CDK5RAP2: variants seen among roughly 807,000 people sequenced by gnomAD.
CDK5RAP2 encodes the protein CDK5 regulatory subunit associated protein 2.
A neutral mutation model predicts 232.9 loss-of-function variants in CDK5RAP2; 147 were observed. The ratio of observed to expected loss-of-function variants is 0.63; its 90% CI spans 0.55 to 0.72. The LOEUF (loss-of-function observed/expected upper bound fraction) is 0.72. Among genes scored for constraint, CDK5RAP2 ranks in the 30% least tolerant of loss-of-function variants. CDK5RAP2 has a pLI of 0.00. For missense variants in CDK5RAP2, 2,195 were observed against 2,231.5 expected (o/e 0.98, Z 0.33); for synonymous variants, 833 against 833.7 (o/e 1.00, Z 0.01).
At chr9:120,523,903 T>C (rs556118531) in intron 11 of CDK5RAP2, among the ~76,000 whole-genome samples, 11 of 151,796 alleles carry the variant, frequency 7.2e-5, no homozygotes, top group South Asian at 4.2e-4. Flanking sequence ...TAGTACAACA[T>C]TGGGGGACGG....
chr9:120,497,994 C>T (rs1157199191), intron 12 of CDK5RAP2, among the ~76,000 whole-genome samples: 2 of 152,210 alleles, frequency 1.3e-5, no homozygotes, highest in African/African-American at 4.8e-5. Context: ...TGTGTCTAGT[C>T]TTGCTGGCTC....
At chr9:120,470,004 G>T in intron 17 of CDK5RAP2, 107 bp downstream of exon 17, 1 of 666,960 alleles carries the variant, frequency 1.5e-6, no homozygotes, top group Non-Finnish European at 2.7e-6. Context: ...GGGACAGGAA[G>T]GAAGGAGAGA....
chr9:120,463,331 A>G (rs1214579513), intron 18 of CDK5RAP2, among the ~76,000 whole-genome samples: 1 of 152,172 alleles, frequency 6.6e-6, no homozygotes, highest in African/African-American at 2.4e-5. Context: ...AGATCGCGCC[A>G]CTGCACTCCA....
chr9:120,574,864 T>G (rs1198440221), intron 1 of CDK5RAP2, among the ~76,000 whole-genome samples: 1 of 150,952 alleles, frequency 6.6e-6, no homozygotes. Context: ...GACCAAAAAG[T>G]TAATAGGCTG....
chr9:120,391,238 A>T lies in CDK5RAP2; in HGVS notation c.5579-1451T>A, dbSNP rs1032271534. Among the ~76,000 whole-genome samples the T allele has an allele frequency of 4.6e-5, 7 of 152,142 alleles. No individual in the cohort carries two copies. In the East Asian group the frequency reaches 1.3e-3, roughly 29 times the overall value. Reference sequence around the variant, plus strand: ...AGCACTCCATGTCCCTAGAGAACAAAGCTCATGGCAGAAGAACTAAGGATC... The same window carrying T: ...AGCACTCCATGTCCCTAGAGAACAATGCTCATGGCAGAAGAACTAAGGATC... On this transcript the variant is annotated intron_variant, in intron 36 of 37. Coordinates refer to ENST00000349780, the MANE Select transcript of CDK5RAP2 (RefSeq NM_018249.6).
At position 120,574,492 on chromosome 9, in the gene CDK5RAP2, T is replaced by C. The variant is rs190703103; in HGVS notation, c.60-2451A>G. ...CTTATTTACTCAAAATCACAAAAGTTAGTGGCAAAGCCAAGCCCAAAATCC... is the reference window on the plus strand; with the variant it reads ...CTTATTTACTCAAAATCACAAAAGTCAGTGGCAAAGCCAAGCCCAAAATCC... On this transcript the variant is annotated intron_variant, in intron 1 of 37. Transcript: ENST00000349780. 6.0e-4 allele frequency among the ~76,000 whole-genome samples: 91 copies of C among 152,380 alleles called. 1 individual carries two copies. The highest frequency in any genetic ancestry group is 5.7e-3 in the Admixed American group (88 of 15,306).
chr9:120,527,407 G>C (rs988419016), intron 10 of CDK5RAP2, among the ~76,000 whole-genome samples: 7 of 151,894 alleles, frequency 4.6e-5, no homozygotes, highest in Non-Finnish European at 7.4e-5. Flanking sequence ...CCTGAATTGA[G>C]GTGTGCTGTA....
In CDK5RAP2 at chr9:120,518,621, G is replaced by T; in HGVS notation, c.1117C>A (p.Leu373Ile). Reference sequence around the variant, plus strand: ...GCCGAAAGGGCTTCCTTTCCTGATAGAGCAGTCTCATAGTCTTCAGACCCC... The same window carrying T: ...GCCGAAAGGGCTTCCTTTCCTGATATAGCAGTCTCATAGTCTTCAGACCCC... ...FQGSEDYETA[L>I]SGKEALSAAL... The change falls in exon 12 of 38, where the codon CTA (leucine) becomes ATA (isoleucine). Residue 373 changes from leucine (L) to isoleucine (I), a missense_variant. Physicochemically the swap from Leu to Ile is conservative, Grantham distance 5. Transcript: ENST00000349780. 4 of 1,613,614 alleles carry T rather than the reference G, an allele frequency of 2.5e-6. No individual in the cohort carries two copies. Among genetic ancestry groups the T allele is most frequent in the Non-Finnish European group, 1.7e-6 (2 of 1,179,940 alleles).
intron 5 of CDK5RAP2, among the ~76,000 whole-genome samples, chr9:120,542,697 TG>T (rs1414187890): frequency 6.6e-6 from 1 of 152,216 alleles, no homozygotes; most frequent in Non-Finnish European, 1.5e-5. Context: ...CTGGGAGTCA[TG>T]GCCCTTCCCT....
At chr9:120,513,958 C>CA in intron 12 of CDK5RAP2, among the ~76,000 whole-genome samples, 2 of 152,318 alleles carry the variant, frequency 1.3e-5, no homozygotes, top group Admixed American at 6.5e-5. Context: ...TACATTTATC[C>CA]TAGCACCATA....
Position 120,389,143 on chromosome 9 carries a change from T to G in CDK5RAP2, c.*93A>C. The stretch of plus-strand genomic sequence containing the variant: ...TAGATTTCCTTTGGCCAGACAGCTC[T>G]TTCTTCCTCAATAAATAGGAACCAC... On this transcript the variant is annotated 3_prime_UTR_variant, in exon 38 of 38. Transcript: ENST00000349780. 1 of 1,082,442 alleles carries G rather than the reference T, an allele frequency of 9.2e-7. No individual in the cohort carries two copies. The highest frequency in any genetic ancestry group is 1.4e-6 in the Non-Finnish European group (1 of 719,796). The allele number at this position is 1,082,442 out of a possible 1,614,324, so 67.1% of individuals were successfully genotyped here.
chr9:120,428,000 A>G (rs536723030), intron 25 of CDK5RAP2, among the ~76,000 whole-genome samples: 9 of 152,358 alleles, frequency 5.9e-5, no homozygotes, highest in East Asian at 1.9e-4. Flanking sequence ...CTGCTCCTGA[A>G]TGACTACTGG....
intron 5 of CDK5RAP2, among the ~76,000 whole-genome samples, chr9:120,544,448 T>C (rs557690734): frequency 4.6e-4 from 70 of 152,348 alleles, no homozygotes; most frequent in African/African-American, 1.6e-3. Context: ...ATTCAGAAAA[T>C]ACCAAGTGTG....
intron 22 of CDK5RAP2, among the ~76,000 whole-genome samples, chr9:120,446,560 C>A (rs566743210): frequency 1.3e-5 from 2 of 152,160 alleles, no homozygotes; most frequent in Non-Finnish European, 2.9e-5. Flanking sequence ...AGTCAAATCA[C>A]GACTCTGCTG....
At chr9:120,518,158 A>C (rs1379555590) in intron 12 of CDK5RAP2, among the ~76,000 whole-genome samples, 1 of 136,558 alleles carries the variant, frequency 7.3e-6, no homozygotes, top group Non-Finnish European at 1.6e-5. Context: ...TCAACTCGAT[A>C]ACAACTCTGT....
intron 25 of CDK5RAP2, among the ~76,000 whole-genome samples, chr9:120,430,628 A>T (rs1245891248): frequency 1.3e-5 from 2 of 152,080 alleles, no homozygotes; most frequent in Admixed American, 1.3e-4. Context: ...GCTAGAGAGG[A>T]TGTGGAGAAA....
At chr9:120,422,022 C>A (rs959318674) in intron 26 of CDK5RAP2, among the ~76,000 whole-genome samples, 1 of 152,240 alleles carries the variant, frequency 6.6e-6, no homozygotes, top group African/African-American at 2.4e-5. Context: ...CTAGTGAACA[C>A]TAGCTAGCTC....
At chr9:120,426,515 G>A (rs542674766) in intron 25 of CDK5RAP2, among the ~76,000 whole-genome samples, 1 of 152,310 alleles carries the variant, frequency 6.6e-6, no homozygotes, top group Non-Finnish European at 1.5e-5. Context: ...TTAATAGAAA[G>A]GAGTGTCTGA....
intron 18 of CDK5RAP2, among the ~76,000 whole-genome samples, chr9:120,463,727 C>T (rs771538079): frequency 5.9e-5 from 9 of 152,216 alleles, no homozygotes; most frequent in Non-Finnish European, 1.2e-4. Flanking sequence ...CATGCCAATG[C>T]TTGACACAGT....
Sources: allele counts gnomAD v4.1 joint callset (sites outside exome capture counted in the v4.1 genomes callset), GRCh38; gene constraint gnomAD v4.1.1; transcripts MANE v1.5; gene names NCBI Gene and HGNC (gene_info 2026-07-23, HGNC 2026-07-21).